The following ZNF124 variants were observed in gnomAD, a reference collection of about 807,000 sequenced individuals.
The protein encoded by ZNF124 is zinc finger protein 124.
A neutral mutation model predicts 26.6 loss-of-function variants in ZNF124; 25 were observed. The observed-to-expected ratio is 0.94, with a 90% confidence interval of 0.68 to 1.31. ZNF124 has a LOEUF of 1.31. Ranked by LOEUF, ZNF124 falls within the 40% of genes most tolerant of loss-of-function variation. ZNF124 has a pLI of 0.00. For missense variants in ZNF124, 444 were observed against 422.2 expected (o/e 1.05, Z -0.45); for synonymous variants, 129 against 133.3 (o/e 0.97, Z 0.22).
chr1:247,141,596 AG>A (rs1311031149), intron 3 of ZNF124, among the ~76,000 whole-genome samples: 1 of 152,066 alleles, frequency 6.6e-6, no homozygotes, highest in Non-Finnish European at 1.5e-5. Flanking sequence ...GCAATGGCAG[AG>A]GGGCTGTCAT....
rs1673134808 is a variant in ZNF124, at chr1:247,156,477, T to C, written c.*89A>G. 1.5e-6 allele frequency: 2 copies of C among 1,357,456 alleles called. No individual in the cohort carries two copies. Among genetic ancestry groups the C allele is most frequent in the East Asian group, 2.7e-5 (1 of 37,458 alleles). The allele number at this position is 1,357,456 out of a possible 1,614,324, so 84.1% of individuals were successfully genotyped here. On this transcript the variant is annotated 3_prime_UTR_variant, in exon 4 of 4. Transcript: ENST00000543802. ...ATGTATTTGAGGAAATCTGGGAAAA[T>C]TAAGTACTTTCCTACACCTTACATT...
chr1:247,137,454 C>G (rs1263180981), intron 3 of ZNF124, among the ~76,000 whole-genome samples: 2 of 101,482 alleles, frequency 2.0e-5, no homozygotes, highest in Non-Finnish European at 1.9e-5. Flanking sequence ...TCAGCCTGGC[C>G]AACATAGCGA....
chr1:247,152,257 A>G (rs1429555241), downstream of ZNF124, among the ~76,000 whole-genome samples: 1 of 151,164 alleles, frequency 6.6e-6, no homozygotes, highest in East Asian at 1.9e-4. Flanking sequence ...ACACTGCGAC[A>G]GTGTTTAAAA....
intron 1 of ZNF124, among the ~76,000 whole-genome samples, chr1:247,166,564 T>C (rs991739614): frequency 2.0e-5 from 3 of 152,186 alleles, no homozygotes; most frequent in African/African-American, 7.2e-5. Context: ...ATAAGCAGAA[T>C]ACATATACAA....
At chr1:247,135,800 A>T (rs1049022802) in intron 3 of ZNF124, among the ~76,000 whole-genome samples, 2 of 152,220 alleles carry the variant, frequency 1.3e-5, no homozygotes, top group Non-Finnish European at 2.9e-5. Context: ...GGCAAACTGA[A>T]TCCAGCAGTA....
At chr1:247,163,321 A>AG (rs1000870837) in intron 1 of ZNF124, among the ~76,000 whole-genome samples, 21 of 144,660 alleles carry the variant, frequency 1.5e-4, no homozygotes, top group Non-Finnish European at 3.0e-4. Flanking sequence ...GAAGAGAGAG[A>AG]GAAAAAAAAG....
chr1:247,137,095 C>A (rs914380007), intron 3 of ZNF124, among the ~76,000 whole-genome samples: 4 of 151,842 alleles, frequency 2.6e-5, no homozygotes, highest in African/African-American at 9.7e-5. Flanking sequence ...CTACTGGTAC[C>A]AAAACAGATA....
chr1:247,156,885 A>G lies in ZNF124; in HGVS notation c.737T>C (p.Leu246Pro), dbSNP rs1032809539. The G allele has an allele frequency of 1.1e-5, 17 of 1,613,546 alleles. No homozygotes were observed. In the African/African-American group the frequency reaches 1.9e-4, roughly 18 times the overall value. Reference sequence around the variant, plus strand: ...CTTTATATGTCCTTGCAAGGAACTGAGACAACTGAAAGCTTTGCCACATTC... The same window carrying G: ...CTTTATATGTCCTTGCAAGGAACTGGGACAACTGAAAGCTTTGCCACATTC... ...CMECGKAFSCLSSLQGHIKAH... is the reference protein window; with the variant it reads ...CMECGKAFSCPSSLQGHIKAH... Residue 246 changes from leucine to proline, a missense_variant, in exon 4 of 4, where the codon CTC becomes CCC. Physicochemically the swap from Leu to Pro is moderately conservative, Grantham distance 98. Coordinates refer to ENST00000543802, the MANE Select transcript of ZNF124 (RefSeq NM_001297568.2).
chr1:247,133,094 T>C (rs536862613), intron 3 of ZNF124, among the ~76,000 whole-genome samples: 2 of 152,160 alleles, frequency 1.3e-5, no homozygotes, highest in South Asian at 2.1e-4. Flanking sequence ...GCATGAGAAC[T>C]TCATGAAGCA....
chr1:247,147,351 A>G (rs1672812096), intron 3 of ZNF124, among the ~76,000 whole-genome samples: 1 of 150,486 alleles, frequency 6.6e-6, no homozygotes, highest in Non-Finnish European at 1.5e-5. Context: ...CTCAGCCTCC[A>G]GAGTAGCTGG....
At chr1:247,137,471 G>A in intron 3 of ZNF124, among the ~76,000 whole-genome samples, 1 of 98,370 alleles carries the variant, frequency 1.0e-5, no homozygotes, top group East Asian at 2.9e-4. Flanking sequence ...GCGAAACCCT[G>A]TCTCTACTAA....
chr1:247,165,405 T>C lies in ZNF124; in HGVS notation c.31-5592A>G, dbSNP rs559026274. Among the ~76,000 whole-genome samples, 8 of 152,248 alleles carry C rather than the reference T, an allele frequency of 5.3e-5. 2 individuals are homozygous for C. Among genetic ancestry groups the C allele is most frequent in the African/African-American group, 1.9e-4 (8 of 41,546 alleles). ...CCCTTCCTTACACCATATACAAATA[T>C]AAACTTTAGATGCATTAAAGACTTA... is the stretch of plus-strand genomic sequence containing the variant. On this transcript the variant is annotated intron_variant, in intron 1 of 3. Transcript: ENST00000543802.
intron 3 of ZNF124, among the ~76,000 whole-genome samples, chr1:247,130,686 A>G (rs1672332239): frequency 6.6e-6 from 1 of 152,242 alleles, no homozygotes; most frequent in South Asian, 2.1e-4. Flanking sequence ...GAGGTATGAA[A>G]TGTAAGTGCC....
intron 3 of ZNF124, among the ~76,000 whole-genome samples, chr1:247,132,878 T>C (rs942006047): frequency 6.6e-6 from 1 of 152,172 alleles, no homozygotes; most frequent in Non-Finnish European, 1.5e-5. Flanking sequence ...TTGTGAGCCC[T>C]TAAAAGGGAC....
At position 247,159,011 on chromosome 1, in the gene ZNF124, A is replaced by T. The variant is rs1264804196; in HGVS notation, c.213T>A (p.Asn71Lys). 6.2e-7 allele frequency: 1 copy of T among 1,613,360 alleles called. No homozygotes were observed. Among genetic ancestry groups the T allele is most frequent in the South Asian group, 1.1e-5 (1 of 90,906 alleles). Residue 71 changes from asparagine (N) to lysine (K), a missense_variant, in exon 3 of 4, where the codon AAT becomes AAA. Physicochemically the swap from Asn to Lys is moderately conservative, Grantham distance 94 (BLOSUM62 0). Transcript: ENST00000543802. ...IEDQYKNSSR[N>K]LRHIISHSGN... ...CTCTTGTGAGGGCAAATTACCTTAG[A>T]TTTCTTGAAGAATTTTTGTACTGAT...
intron 3 of ZNF124, among the ~76,000 whole-genome samples, chr1:247,127,722 T>C (rs1280842575): frequency 2.0e-5 from 3 of 149,056 alleles, no homozygotes; most frequent in African/African-American, 7.4e-5. Flanking sequence ...CCCTGCTTGC[T>C]CAATCGATCA....
At chr1:247,140,871 T>C (rs1672608951) in intron 3 of ZNF124, among the ~76,000 whole-genome samples, 1 of 152,198 alleles carries the variant, frequency 6.6e-6, no homozygotes, top group Non-Finnish European at 1.5e-5. Flanking sequence ...TCCCTCTCAA[T>C]GTTCTGAAAG....
intron 1 of ZNF124, among the ~76,000 whole-genome samples, chr1:247,170,973 G>T (rs1200369132): frequency 1.5e-3 from 118 of 78,280 alleles, no homozygotes; most frequent in South Asian, 2.1e-3. Context: ...AAGACAATAT[G>T]AGGGGTGGTC....
chr1:247,135,132 A>G (rs761925370), intron 3 of ZNF124, among the ~76,000 whole-genome samples: 1 of 152,036 alleles, frequency 6.6e-6, no homozygotes, highest in Non-Finnish European at 1.5e-5. Context: ...CTAAATGCCT[A>G]CATCAGAAAG....
Sources: allele counts gnomAD v4.1 joint callset (sites outside exome capture counted in the v4.1 genomes callset), GRCh38; gene constraint gnomAD v4.1.1; transcripts MANE v1.5; gene names NCBI Gene and HGNC (gene_info 2026-07-23, HGNC 2026-07-21).